Variants in SLC16A9 observed in about 807,000 individuals in gnomAD.
SLC16A9 encodes solute carrier family 16 member 9.
In SLC16A9, 26 loss-of-function variants were observed where a neutral mutation model predicts 44.3. The ratio of observed to expected loss-of-function variants is 0.59; its 90% CI spans 0.43 to 0.81. SLC16A9 has a LOEUF of 0.81. SLC16A9 is among the 40% of genes least tolerant of loss of function. SLC16A9 has a pLI of 0.00. For synonymous variants in SLC16A9, 230 were observed against 225.1 expected (o/e 1.02, Z -0.19); for missense variants, 559 against 595.8 (o/e 0.94, Z 0.64).
In SLC16A9 at chr10:59,654,428, T is replaced by C. The variant is rs1432030383; in HGVS notation, c.598A>G (p.Lys200Glu). ...PLQSSDCPLP[K>E]KIAPEDLPDK... ...GGTAGATCTTCTGGAGCTATTTTTT[T>C]AGGCAAAGGACAATCAGAAGATTGG... The change falls in exon 5 of 6, where the codon AAA (lysine) becomes GAA (glutamate). Residue 200 changes from lysine to glutamate, a missense_variant. Coordinates refer to ENST00000395348, the MANE Select transcript of SLC16A9 (RefSeq NM_194298.3). 1.9e-6 allele frequency: 3 copies of C among 1,613,534 alleles called. No individual in the cohort carries two copies. The African/African-American group carries it at 4.0e-5, about 22-fold the overall frequency.
Position 59,664,288 on chromosome 10 carries a change from C to A in SLC16A9, c.375G>T (p.Val125=). 5 of 1,612,348 alleles carry A rather than the reference C, an allele frequency of 3.1e-6. No homozygotes were observed. In the South Asian group the frequency reaches 5.5e-5, roughly 18 times the overall value. Residue 125 remains valine, a synonymous_variant, in exon 4 of 6, where the codon GTG becomes GTT. Coordinates refer to ENST00000395348, the MANE Select transcript of SLC16A9 (RefSeq NM_194298.3). ...LGCGLLYTAT[V]TITCQYFDDR... is the part of the protein sequence containing the mutation. Reference sequence around the variant, plus strand: ...CGTCAAAATACTGGCACGTAATGGTCACTGTTGCAGTGTATAATAAACCAC... The same window carrying A: ...CGTCAAAATACTGGCACGTAATGGTAACTGTTGCAGTGTATAATAAACCAC...
intron 4 of SLC16A9, among the ~76,000 whole-genome samples, chr10:59,662,425 A>G (rs966192038): frequency 2.6e-5 from 4 of 151,954 alleles, no homozygotes; most frequent in African/African-American, 9.7e-5. Flanking sequence ...TCACAAGGTC[A>G]GGAGTTCAAG....
chr10:59,689,951 A>G (rs1840216936), intron 1 of SLC16A9, among the ~76,000 whole-genome samples: 1 of 152,190 alleles, frequency 6.6e-6, no homozygotes, highest in Admixed American at 6.6e-5. Flanking sequence ...TCTTTTTCAT[A>G]AAAATTCCAA....
chr10:59,694,539 T>C (rs1301709016), intron 1 of SLC16A9, among the ~76,000 whole-genome samples: 1 of 151,758 alleles, frequency 6.6e-6, no homozygotes, highest in Non-Finnish European at 1.5e-5. Context: ...CAGTGGCTCA[T>C]GCCTGTATTC....
Position 59,681,586 on chromosome 10 carries a change from ATG to A in SLC16A9, c.196+2508_196+2509del, listed in dbSNP as rs371520108. Among the ~76,000 whole-genome samples, 21 of 6,112 alleles carry A rather than the reference ATG, an allele frequency of 3.4e-3. 1 individual carries two copies. The highest frequency in any genetic ancestry group is 5.3e-3 in the African/African-American group (21 of 3,948). The allele number at this position is 6,112 out of a possible 152,430, so 4.0% of individuals were successfully genotyped here. ...GATGTATATGTATATGTGTATGTGT[ATG>A]TATATGTATATGTATATGTATATGT... On this transcript the variant is annotated intron_variant, in intron 2 of 5. Transcript: ENST00000395348.
intron 1 of SLC16A9, among the ~76,000 whole-genome samples, chr10:59,685,629 T>C (rs1840114184): frequency 1.3e-5 from 2 of 152,250 alleles, no homozygotes; most frequent in South Asian, 2.1e-4. Flanking sequence ...TGGGACTTTA[T>C]CTTAGTTTGT....
chr10:59,657,983 G>A (rs1839387020), intron 4 of SLC16A9, among the ~76,000 whole-genome samples: 1 of 152,096 alleles, frequency 6.6e-6, no homozygotes, highest in African/African-American at 2.4e-5. Flanking sequence ...CAGCTGACCA[G>A]TATTAACATT....
chr10:59,671,950 T>A (rs1256637829), intron 3 of SLC16A9, among the ~76,000 whole-genome samples: 1 of 152,184 alleles, frequency 6.6e-6, no homozygotes, highest in African/African-American at 2.4e-5. Context: ...GAATATTAGT[T>A]GCTACATTTT....
chr10:59,693,778 C>T (rs1034766030), intron 1 of SLC16A9, among the ~76,000 whole-genome samples: 9 of 151,060 alleles, frequency 6.0e-5, no homozygotes, highest in African/African-American at 2.2e-4. Flanking sequence ...CGCCACCACA[C>T]CCGGCTAATT....
chr10:59,686,084 G>A (rs1048589447), intron 1 of SLC16A9, among the ~76,000 whole-genome samples: 5 of 151,190 alleles, frequency 3.3e-5, no homozygotes, highest in African/African-American at 4.9e-5. Context: ...TATAAATGTC[G>A]TGTACCGTTT....
Position 59,651,329 on chromosome 10 carries a change from G to A in SLC16A9, c.*1443C>T, listed in dbSNP as rs954520821. ...ATGATTTTGGCACAATGGGAAGGGT[G>A]CCTCCTATTTAAAGAACACTTGGCT... On this transcript the variant is annotated 3_prime_UTR_variant, in exon 6 of 6. Transcript: ENST00000395348. The A allele has an allele frequency of 2.0e-5, 3 of 152,164 alleles. No individual in the cohort carries two copies. Among genetic ancestry groups the A allele is most frequent in the African/African-American group, 4.8e-5 (2 of 41,442 alleles). 9.4% of individuals were successfully genotyped at this position (152,164 alleles called of 1,614,324 possible). A position where few individuals can be genotyped will look rare whatever the true frequency, so the allele number is the denominator to read the frequency against.
At chr10:59,692,848 G>A (rs1840281432) in intron 1 of SLC16A9, among the ~76,000 whole-genome samples, 1 of 152,166 alleles carries the variant, frequency 6.6e-6, no homozygotes, top group Non-Finnish European at 1.5e-5. Flanking sequence ...AGGTAAACAA[G>A]TCATTCTTTG....
At chr10:59,679,564 T>A (rs1472021506) in intron 2 of SLC16A9, among the ~76,000 whole-genome samples, 1 of 152,206 alleles carries the variant, frequency 6.6e-6, no homozygotes, top group Non-Finnish European at 1.5e-5. Flanking sequence ...TCTTAAAGCC[T>A]TTCAACAATT....
intron 1 of SLC16A9, among the ~76,000 whole-genome samples, chr10:59,691,042 G>A (rs1202475602): frequency 6.6e-5 from 10 of 152,160 alleles, no homozygotes; most frequent in African/African-American, 2.4e-4. Context: ...CTGAGATCAC[G>A]CCACTGCACT....
rs747279141 is a variant in SLC16A9 at position 59,703,176 on chromosome 10, T to C, written c.-37+6303A>G. Among the ~76,000 whole-genome samples the C allele has an allele frequency of 4.9e-4, 75 of 152,168 alleles. 4 individuals are homozygous for C. The highest frequency in any genetic ancestry group is 5.9e-5 in the Non-Finnish European group (4 of 68,028). ...GCTGTGTTGCCAGGCTGGGGTGCAG[T>C]GGTGCAATCACAGCTCATCACTGCA... On this transcript the variant is annotated intron_variant, in intron 1 of 5. Coordinates refer to ENST00000395348, the MANE Select transcript of SLC16A9 (RefSeq NM_194298.3).
Position 59,683,004 on chromosome 10 carries a change from C to G in SLC16A9, c.196+1092G>C, listed in dbSNP as rs552530026. 2.0e-5 allele frequency among the ~76,000 whole-genome samples: 3 copies of G among 151,986 alleles called. No homozygotes were observed. In the East Asian group the frequency reaches 5.8e-4, roughly 29 times the overall value. ...GGTAATACAACAATTGGAGGCATTG[C>G]TTTTTTTGAAAGACATCCCCTTTAC... On this transcript the variant is annotated intron_variant, in intron 2 of 5. Coordinates refer to ENST00000395348, the MANE Select transcript of SLC16A9 (RefSeq NM_194298.3).
intron 1 of SLC16A9, among the ~76,000 whole-genome samples, chr10:59,686,091 G>C (rs757979304): frequency 6.6e-6 from 1 of 151,504 alleles, no homozygotes; most frequent in Non-Finnish European, 1.5e-5. Context: ...GTCGTGTACC[G>C]TTTTGGAGAT....
At chr10:59,657,235 C>A (rs375665415) in intron 4 of SLC16A9, among the ~76,000 whole-genome samples, 1 of 151,846 alleles carries the variant, frequency 6.6e-6, no homozygotes, top group African/African-American at 2.4e-5. Flanking sequence ...AATGTAAAAA[C>A]CAATTGTAGC....
intron 1 of SLC16A9, among the ~76,000 whole-genome samples, chr10:59,686,544 C>T (rs1338893790): frequency 6.6e-6 from 1 of 152,048 alleles, no homozygotes; most frequent in Non-Finnish European, 1.5e-5. Flanking sequence ...TAGATTTTAT[C>T]CTCGCTGCTA....
Sources: gnomAD v4.1 joint callset for allele counts (sites outside exome capture counted in the v4.1 genomes callset) on GRCh38, gnomAD v4.1.1 for gene constraint, MANE v1.5 for transcripts, NCBI Gene and HGNC (gene_info 2026-07-23, HGNC 2026-07-21) for gene names.